Variants in ADGRV1 observed in about 807,000 individuals in gnomAD.
The protein encoded by ADGRV1 is G-protein coupled receptor 98.
A neutral mutation model predicts 596.2 loss-of-function variants in ADGRV1; 359 were observed. The observed-to-expected ratio is 0.60, with a 90% confidence interval of 0.55 to 0.66. The LOEUF is 0.66. Among genes scored for constraint, ADGRV1 ranks in the 30% least tolerant of loss-of-function variants. ADGRV1 has a pLI of 0.00. For synonymous variants in ADGRV1, 2,681 were observed against 2,679.2 expected (o/e 1.00, Z -0.02); for missense variants, 7,274 against 7,575.6 (o/e 0.96, Z 1.48).
At position 90,723,867 on chromosome 5, in the gene ADGRV1, A is replaced by G. The variant is rs1195591792; in HGVS notation, c.9749-965A>G. ...AGGGAAGCAGCCATGTTAAGAGACT[A>G]TACATTTTTTAAAAAATGTTTACTC... is the stretch of plus-strand genomic sequence containing the variant. On this transcript the variant is annotated intron_variant, in intron 45 of 89. Transcript: ENST00000405460. Among the ~76,000 whole-genome samples, 5 of 152,246 alleles carry G rather than the reference A, an allele frequency of 3.3e-5. No homozygotes were observed. The South Asian group carries it at 8.3e-4, about 25-fold the overall frequency.
intron 85 of ADGRV1, among the ~76,000 whole-genome samples, chr5:91,046,946 C>A (rs1282166250): frequency 1.3e-5 from 2 of 152,124 alleles, no homozygotes; most frequent in Non-Finnish European, 2.9e-5. Flanking sequence ...CCGGGAAATG[C>A]AAACCAAAAC....
chr5:90,578,034 A>G (rs942866477), intron 1 of ADGRV1, among the ~76,000 whole-genome samples: 1 of 152,120 alleles, frequency 6.6e-6, no homozygotes, highest in Admixed American at 6.6e-5. Flanking sequence ...GGGTTTTCTA[A>G]ATATACAATC....
At chr5:90,983,478 C>T (rs1275111749) in intron 84 of ADGRV1, among the ~76,000 whole-genome samples, 2 of 152,172 alleles carry the variant, frequency 1.3e-5, no homozygotes, top group African/African-American at 4.8e-5. Flanking sequence ...TACGATGTCA[C>T]ATGGATGCAC....
chr5:90,698,859 TTACACTGATTACTCCGTAATCAGTGAG>T (rs1274789409), intron 34 of ADGRV1, among the ~76,000 whole-genome samples: 1 of 151,972 alleles, frequency 6.6e-6, no homozygotes, highest in African/African-American at 2.4e-5. Context: ...TTTCAATCAG[TTACACTGATTACTCCGTAATCAGTGAG>T]TAATCAGTAA....
chr5:90,730,221 A>G (rs1052778054), intron 50 of ADGRV1, among the ~76,000 whole-genome samples: 1 of 152,110 alleles, frequency 6.6e-6, no homozygotes, highest in Non-Finnish European at 1.5e-5. Context: ...CAGAAATCCT[A>G]TAATTTTTTG....
At chr5:90,732,889 T>C (rs1167164239) in intron 50 of ADGRV1, among the ~76,000 whole-genome samples, 4 of 152,180 alleles carry the variant, frequency 2.6e-5, no homozygotes, top group African/African-American at 9.7e-5. Flanking sequence ...ACCTCTGAAA[T>C]CCTCTAAAAG....
intron 53 of ADGRV1, among the ~76,000 whole-genome samples, chr5:90,752,670 A>G (rs920122788): frequency 1.3e-5 from 2 of 152,222 alleles, no homozygotes; most frequent in African/African-American, 4.8e-5. Context: ...AGAAAGAAAT[A>G]CCATTCAATA....
rs185055154 is a variant in ADGRV1, at chr5:90,689,647, G to C, written c.6491-214G>C. Among the ~76,000 whole-genome samples, 177 of 151,940 alleles carry C rather than the reference G, an allele frequency of 1.2e-3. 1 individual carries two copies. The highest frequency in any genetic ancestry group is 2.1e-4 in the Non-Finnish European group (14 of 67,888). ...GAAGGAATGAACTTGAGCACCCCTA[G>C]GAAGTCTTTTTCGTTATTTTGTGAC... On this transcript the variant is annotated intron_variant, in intron 29 of 89. Coordinates refer to ENST00000405460, the MANE Select transcript of ADGRV1 (RefSeq NM_032119.4).
At position 90,810,719 on chromosome 5, in the gene ADGRV1, A is replaced by G. The variant is rs748452844; in HGVS notation, c.15459A>G (p.Val5153=). Residue 5153 remains valine (V), a synonymous_variant, in exon 74 of 90, where the codon GTA becomes GTG. Coordinates refer to ENST00000405460, the MANE Select transcript of ADGRV1 (RefSeq NM_032119.4). ...AVAVDTTLIP[V]ETESTTYLST... Reference sequence around the variant, plus strand: ...CAGTTGACACAACTCTCATTCCTGTAGAAACTGAATCCACCACATACCTCA... The same window carrying G: ...CAGTTGACACAACTCTCATTCCTGTGGAAACTGAATCCACCACATACCTCA... 1.4e-5 allele frequency: 22 copies of G among 1,613,796 alleles called. No individual in the cohort carries two copies. The African/African-American group carries it at 2.5e-4, about 19-fold the overall frequency.
At chr5:90,863,337 G>C (rs577799603) in intron 82 of ADGRV1, among the ~76,000 whole-genome samples, 1 of 152,192 alleles carries the variant, frequency 6.6e-6, no homozygotes, top group Non-Finnish European at 1.5e-5. Flanking sequence ...TAGAAATGTA[G>C]AAGTTTAAGT....
chr5:90,907,006 T>C (rs1772387180), intron 83 of ADGRV1, among the ~76,000 whole-genome samples: 1 of 152,208 alleles, frequency 6.6e-6, no homozygotes, highest in Non-Finnish European at 1.5e-5. Context: ...CGGTCCATGA[T>C]TTCCAGAGGA....
In ADGRV1 at chr5:91,017,666, T is replaced by G. The variant is rs1167076307; in HGVS notation, c.18152+32144T>G. ...TGTGAATTGTTGTTAAGTAGAGTTA[T>G]AAGGTACAAATGTATGTATGCCCTT... On this transcript the variant is annotated intron_variant, in intron 85 of 89. Coordinates refer to ENST00000405460, the MANE Select transcript of ADGRV1 (RefSeq NM_032119.4). 2.0e-5 allele frequency among the ~76,000 whole-genome samples: 3 copies of G among 151,958 alleles called. No homozygotes were observed. In the East Asian group the frequency reaches 5.8e-4, roughly 29 times the overall value.
Position 90,644,724 on chromosome 5 carries a change from G to C in ADGRV1, c.2753G>C (p.Arg918Thr), listed in dbSNP as rs375071987. The C allele has an allele frequency of 4.4e-6, 7 of 1,608,938 alleles. No individual in the cohort carries two copies. The highest frequency in any genetic ancestry group is 5.9e-6 in the Non-Finnish European group (7 of 1,178,422). ...TTCACAGCTGTTTATGATGTAGTAA[G>C]AAATCGAGGCAACTTTGGTGATGTT... The part of the protein sequence containing the change: ...AIYSAVYDVV[R>T]NRGNFGDVSV... The change falls in exon 15 of 90, where the codon AGA (arginine) becomes ACA (threonine). Residue 918 changes from arginine to threonine, a missense_variant. Arg to Thr is a moderately conservative substitution (Grantham distance 71). This residue lies in a region of ADGRV1 where 1,715 missense variants were observed against 1,708.8 expected (regional missense o/e 1.00). Coordinates refer to ENST00000405460, the MANE Select transcript of ADGRV1 (RefSeq NM_032119.4).
At chr5:90,795,478 A>G (rs901170829) in intron 70 of ADGRV1, among the ~76,000 whole-genome samples, 11 of 152,188 alleles carry the variant, frequency 7.2e-5, no homozygotes, top group Non-Finnish European at 1.5e-4. Context: ...CATCTCTGAA[A>G]AAAAGGCAGC....
chr5:90,632,651 A>G (rs562759757), intron 9 of ADGRV1, among the ~76,000 whole-genome samples: 1 of 152,318 alleles, frequency 6.6e-6, no homozygotes, highest in Non-Finnish European at 1.5e-5. Flanking sequence ...CTATATAAAC[A>G]TGACAATTAA....
chr5:90,648,996 G>A (rs569155737), intron 17 of ADGRV1, among the ~76,000 whole-genome samples: 1 of 152,082 alleles, frequency 6.6e-6, no homozygotes, highest in Non-Finnish European at 1.5e-5. Flanking sequence ...AAGCGATGAA[G>A]GAATGATATT....
intron 21 of ADGRV1, among the ~76,000 whole-genome samples, chr5:90,662,483 G>A (rs947868986): frequency 2.0e-5 from 3 of 152,032 alleles, no homozygotes; most frequent in Non-Finnish European, 2.9e-5. Context: ...GTAAGCCACC[G>A]TGCCCAGCCA....
chr5:90,880,408 A>G (rs1769648654), intron 83 of ADGRV1, among the ~76,000 whole-genome samples: 1 of 152,220 alleles, frequency 6.6e-6, no homozygotes, highest in Admixed American at 6.5e-5. Context: ...TCAGAGGTGG[A>G]GCTTGCCTCT....
chr5:90,750,012 G>A (rs575233464), intron 52 of ADGRV1, among the ~76,000 whole-genome samples: 19 of 152,306 alleles, frequency 1.2e-4, no homozygotes, highest in African/African-American at 4.1e-4. Context: ...AAGAATAAGA[G>A]ACATTTGCCA....
Sources: gnomAD v4.1 joint callset for allele counts (sites outside exome capture counted in the v4.1 genomes callset) on GRCh38, gnomAD v4.1.1 for gene constraint, gnomAD v4.1.1 regional missense constraint, MANE v1.5 for transcripts, NCBI Gene and HGNC (gene_info 2026-07-23, HGNC 2026-07-21) for gene names.